Variants in DPP6 observed in about 807,000 individuals in gnomAD.
The protein encoded by DPP6 is dipeptidyl peptidase like 6, also known as A-type potassium channel modulatory protein DPP6.
In DPP6, 69 loss-of-function variants were observed where a neutral mutation model predicts 122.6. The observed-to-expected ratio is 0.56, with a 90% CI of 0.46 to 0.69. DPP6 has a LOEUF of 0.69. DPP6 is among the 30% of genes least tolerant of loss of function. The probability of loss-of-function intolerance (pLI) is 0.00; values close to 1 mark genes in which losing one functional copy is unlikely to be tolerated. For missense variants in DPP6, 928 were observed against 1,116.9 expected (o/e 0.83, Z 2.41); for synonymous variants, 418 against 433.1 (o/e 0.97, Z 0.43).
chr7:154,207,368 C>T (rs1409753654), intron 1 of DPP6, among the ~76,000 whole-genome samples: 2 of 152,140 alleles, frequency 1.3e-5, no homozygotes, highest in African/African-American at 2.4e-5. Flanking sequence ...ATATATTTAT[C>T]AATTGGCATG....
In DPP6 at chr7:154,520,825, T is replaced by A. The variant is rs115285095; in HGVS notation, c.458-19707T>A. Among the ~76,000 whole-genome samples, 995 of 152,084 alleles carry A rather than the reference T, an allele frequency of 6.5e-3. 6 individuals are homozygous for A. Among genetic ancestry groups the A allele is most frequent in the African/African-American group, 0.023 (936 of 41,474 alleles). ...CCATCAGTGTCTACAACTTACAGAG[T>A]CACAAAAAGCTCGGAGACAATAGGA... On this transcript the variant is annotated intron_variant, in intron 3 of 25. Transcript: ENST00000377770.
intron 1 of DPP6, among the ~76,000 whole-genome samples, chr7:154,188,007 T>C (rs1003178746): frequency 1.3e-5 from 2 of 152,024 alleles, no homozygotes; most frequent in African/African-American, 4.8e-5. Flanking sequence ...CTCTTCTGGC[T>C]CCAACATTCC....
At chr7:153,795,770 C>T in the DPP6 span, among the ~76,000 whole-genome samples, 1 of 151,194 alleles carries the variant, frequency 6.6e-6, no homozygotes, top group Non-Finnish European at 1.5e-5. Context: ...TTAAAAGACT[C>T]CCTCAAAATT....
chr7:154,656,790 CAT>C (rs1448940843), intron 6 of DPP6, among the ~76,000 whole-genome samples: 17 of 134,180 alleles, frequency 1.3e-4, no homozygotes, highest in African/African-American at 4.2e-4. Context: ...AGGAGGTACT[CAT>C]GTGTGGGTGG....
intron 4 of DPP6, among the ~76,000 whole-genome samples, chr7:154,558,900 G>A (rs1830226203): frequency 6.6e-6 from 1 of 152,014 alleles, no homozygotes; most frequent in Non-Finnish European, 1.5e-5. Context: ...ATAATTAATT[G>A]CCTGTCATAA....
intron 5 of DPP6, among the ~76,000 whole-genome samples, chr7:154,621,636 A>C (rs1243958385): frequency 2.0e-5 from 3 of 152,166 alleles, no homozygotes; most frequent in Admixed American, 6.5e-5. Context: ...CAAAGTGCTA[A>C]GATTAGAGGC....
chr7:154,493,431 G>A (rs1034188461), intron 3 of DPP6, among the ~76,000 whole-genome samples: 4 of 152,174 alleles, frequency 2.6e-5, no homozygotes, highest in Non-Finnish European at 5.9e-5. Context: ...CTCACAGGGA[G>A]ATTTTATTTA....
At chr7:154,425,496 G>C (rs1246025006) in intron 1 of DPP6, among the ~76,000 whole-genome samples, 1 of 152,110 alleles carries the variant, frequency 6.6e-6, no homozygotes, top group African/African-American at 2.4e-5. Flanking sequence ...GAAAGCACTG[G>C]CTTTGTCCCT....
chr7:154,049,262 A>G (rs1156385299), upstream of DPP6, among the ~76,000 whole-genome samples: 12 of 125,156 alleles, frequency 9.6e-5, no homozygotes. Context: ...TGAAATGCCC[A>G]TTGGGTACTT....
chr7:154,879,409 T>C (rs1213397327), intron 20 of DPP6, among the ~76,000 whole-genome samples: 1 of 97,038 alleles, frequency 1.0e-5, no homozygotes, highest in African/African-American at 5.3e-5. Context: ...TGAAACCCCG[T>C]CTCTACTAAA....
At chr7:154,547,299 G>T (rs1436982423) in intron 4 of DPP6, among the ~76,000 whole-genome samples, 1 of 152,246 alleles carries the variant, frequency 6.6e-6, no homozygotes, top group Admixed American at 6.5e-5. Context: ...TTTGTGTACG[G>T]TTGAGAGGGC....
intron 2 of DPP6, among the ~76,000 whole-genome samples, chr7:154,472,483 A>G (rs1317240065): frequency 6.6e-6 from 1 of 152,124 alleles, no homozygotes; most frequent in Admixed American, 6.5e-5. Context: ...TTTCTTATTT[A>G]ATAGTCTGCT....
Position 154,499,323 on chromosome 7 carries a change from C to A in DPP6, c.457+24286C>A, listed in dbSNP as rs968169715. Among the ~76,000 whole-genome samples the A allele has an allele frequency of 2.6e-5, 4 of 152,258 alleles. No individual in the cohort carries two copies. The East Asian group carries it at 7.7e-4, about 29-fold the overall frequency. ...AAAGCATGGCCATTCTAGCACTGCC[C>A]CCCTGCCTTCTAGGAGCACAGAGTG... On this transcript the variant is annotated intron_variant, in intron 3 of 25. Coordinates refer to ENST00000377770, the MANE Select transcript of DPP6 (RefSeq NM_130797.4).
chr7:154,433,415 C>T (rs1563663511), intron 1 of DPP6, among the ~76,000 whole-genome samples: 3 of 151,736 alleles, frequency 2.0e-5, no homozygotes, highest in Admixed American at 6.6e-5. Flanking sequence ...GTGATCCGGC[C>T]GCCTCAGCCT....
intron 3 of DPP6, among the ~76,000 whole-genome samples, chr7:154,497,643 G>A (rs562567068): frequency 9.2e-5 from 14 of 151,492 alleles, no homozygotes; most frequent in African/African-American, 2.7e-4. Context: ...AGAAAAAAGA[G>A]CTAGGATAAA....
intron 1 of DPP6, among the ~76,000 whole-genome samples, chr7:154,041,509 A>G (rs1799764097): frequency 6.6e-6 from 1 of 152,240 alleles, no homozygotes; most frequent in African/African-American, 2.4e-5. Flanking sequence ...CTTATGCCAT[A>G]GATGAGCGTC....
chr7:154,857,606 A>G (rs532501697), intron 17 of DPP6, among the ~76,000 whole-genome samples: 1 of 152,192 alleles, frequency 6.6e-6, no homozygotes, highest in East Asian at 1.9e-4. Flanking sequence ...AACAAAATGC[A>G]CTGAGTTTTC....
At chr7:153,789,361 C>T in the DPP6 span, among the ~76,000 whole-genome samples, 1 of 152,074 alleles carries the variant, frequency 6.6e-6, no homozygotes, top group Non-Finnish European at 1.5e-5. Context: ...TTTCAAGAAT[C>T]AATGTAATTG....
At chr7:153,958,273 G>C (rs1448467636) in intron 1 of DPP6, among the ~76,000 whole-genome samples, 2 of 152,144 alleles carry the variant, frequency 1.3e-5, no homozygotes, top group African/African-American at 4.8e-5. Flanking sequence ...GCGCAGGGCT[G>C]GGGGAGTGCA....
Sources: allele counts gnomAD v4.1 joint callset (sites outside exome capture counted in the v4.1 genomes callset), GRCh38; gene constraint gnomAD v4.1.1; transcripts MANE v1.5; gene names NCBI Gene and HGNC (gene_info 2026-07-23, HGNC 2026-07-21).